TBC1D22A: variants seen among roughly 807,000 people sequenced by gnomAD.
TBC1D22A encodes TBC1 domain family member 22A.
Under a neutral mutation model 60.2 loss-of-function variants are expected in TBC1D22A, and 38 were observed. That is an observed-to-expected ratio of 0.63 (90% CI 0.49 to 0.83). The LOEUF (loss-of-function observed/expected upper bound fraction) is 0.83. Ranked by LOEUF, TBC1D22A falls within the 40% of genes least tolerant of loss-of-function variation. TBC1D22A has a pLI of 0.00. For synonymous variants in TBC1D22A, 302 were observed against 281.7 expected, an observed-to-expected ratio of 1.07 and a Z score of -0.72; for missense variants, 628 against 701.0, an observed-to-expected ratio of 0.90 and a Z score of 1.18.
At chr22:46,784,458 G>T (rs1250813468) in intron 1 of TBC1D22A, among the ~76,000 whole-genome samples, 1 of 152,150 alleles carries the variant, frequency 6.6e-6, no homozygotes, top group South Asian at 2.1e-4. Context: ...GTTGTAGTCT[G>T]CTTTTCTTTT....
intron 11 of TBC1D22A, among the ~76,000 whole-genome samples, chr22:47,104,694 C>CA (rs34812715): frequency 0.15 from 15,025 of 101,972 alleles, 1,216 homozygotes; most frequent in African/African-American, 0.3. Flanking sequence ...GACTCTGTCT[C>CA]AAAAAAAAAA....
At chr22:46,968,573 C>G (rs528504446) in intron 8 of TBC1D22A, among the ~76,000 whole-genome samples, 22 of 151,460 alleles carry the variant, frequency 1.5e-4, no homozygotes, top group African/African-American at 5.1e-4. Flanking sequence ...GTCCTCACTG[C>G]GTGGCCGGCG....
intron 9 of TBC1D22A, among the ~76,000 whole-genome samples, chr22:46,994,857 T>G (rs2075065394): frequency 6.6e-6 from 1 of 152,192 alleles, no homozygotes; most frequent in Non-Finnish European, 1.5e-5. Context: ...GGGGAGAAAT[T>G]AAGTCTTAAA....
At chr22:46,933,733 A>T (rs1394795617) in intron 8 of TBC1D22A, among the ~76,000 whole-genome samples, 1 of 152,222 alleles carries the variant, frequency 6.6e-6, no homozygotes, top group Non-Finnish European at 1.5e-5. Flanking sequence ...GACTGCAGCC[A>T]CGTGGCCCCT....
chr22:47,044,830 A>G (rs569956429), intron 11 of TBC1D22A, among the ~76,000 whole-genome samples: 161 of 152,348 alleles, frequency 1.1e-3, no homozygotes, highest in African/African-American at 3.8e-3. Context: ...CATGTCTGGA[A>G]AGTCCTTAGC....
intron 1 of TBC1D22A, 88 bp downstream of exon 1, chr22:46,762,936 G>A: frequency 5.5e-6 from 7 of 1,276,050 alleles, no homozygotes; most frequent in Non-Finnish European, 7.3e-6. Flanking sequence ...TGGAGTCGGG[G>A]GTCTGGAGAG....
chr22:47,111,706 A>T, intron 12 of TBC1D22A, 103 bp downstream of exon 12: 1 of 1,080,820 alleles, frequency 9.3e-7, no homozygotes, highest in Non-Finnish European at 1.3e-6. Context: ...AGTTTTGAGA[A>T]GCGCTGCCTG....
intron 11 of TBC1D22A, among the ~76,000 whole-genome samples, chr22:47,084,947 G>A (rs1453120467): frequency 3.3e-5 from 5 of 152,246 alleles, no homozygotes; most frequent in East Asian, 1.9e-4. Flanking sequence ...AACTCTAAGC[G>A]TTCTTGGACT....
intron 1 of TBC1D22A, chr22:46,789,292 A>G (rs1007115227): frequency 3.7e-5 from 14 of 380,870 alleles, no homozygotes; most frequent in Non-Finnish European, 6.5e-5. Context: ...AGCCCGGCTA[A>G]TTTTTTGTAT....
chr22:47,094,606 C>T (rs138762114), intron 11 of TBC1D22A, among the ~76,000 whole-genome samples: 7 of 152,354 alleles, frequency 4.6e-5, no homozygotes, highest in East Asian at 3.9e-4. Context: ...TATGTACATA[C>T]GTCCTGTCGG....
At chr22:46,917,622 G>A (rs1400757304) in intron 8 of TBC1D22A, among the ~76,000 whole-genome samples, 1 of 152,186 alleles carries the variant, frequency 6.6e-6, no homozygotes, top group African/African-American at 2.4e-5. Flanking sequence ...TGTCGGCAGT[G>A]ATTGAGTAGA....
At chr22:46,892,185 C>T (rs771226512) in intron 6 of TBC1D22A, among the ~76,000 whole-genome samples, 2 of 151,924 alleles carry the variant, frequency 1.3e-5, no homozygotes, top group East Asian at 1.9e-4. Flanking sequence ...TCCTGAGGCA[C>T]GGCAGGAATG....
chr22:47,092,486 A>G (rs1461171570), intron 11 of TBC1D22A, among the ~76,000 whole-genome samples: 4 of 152,056 alleles, frequency 2.6e-5, no homozygotes, highest in South Asian at 2.1e-4. Context: ...ACTGGAGTGG[A>G]GGGGCTTGGT....
intron 11 of TBC1D22A, among the ~76,000 whole-genome samples, chr22:47,105,103 A>G (rs1287753923): frequency 6.6e-6 from 1 of 152,164 alleles, no homozygotes; most frequent in Non-Finnish European, 1.5e-5. Context: ...TTGGCTCAGA[A>G]TAAATCTCTT....
chr22:47,011,079 C>T (rs1315681485), intron 10 of TBC1D22A, among the ~76,000 whole-genome samples: 1 of 152,166 alleles, frequency 6.6e-6, no homozygotes, highest in Non-Finnish European at 1.5e-5. Context: ...TGGGCCCCAT[C>T]CCCGTACTCA....
At chr22:47,038,754 G>A (rs773453042) in intron 11 of TBC1D22A, among the ~76,000 whole-genome samples, 6 of 152,110 alleles carry the variant, frequency 3.9e-5, no homozygotes, top group Admixed American at 2.0e-4. Flanking sequence ...ATCTCACTAC[G>A]GAAATTATCA....
At chr22:46,804,904 A>G (rs2085062350) in intron 4 of TBC1D22A, among the ~76,000 whole-genome samples, 1 of 152,054 alleles carries the variant, frequency 6.6e-6, no homozygotes, top group African/African-American at 2.4e-5. Context: ...TTTTTTTCTT[A>G]TAATTTCTTT....
intron 9 of TBC1D22A, among the ~76,000 whole-genome samples, chr22:46,976,408 C>T (rs944246252): frequency 6.6e-6 from 1 of 152,182 alleles, no homozygotes; most frequent in African/African-American, 2.4e-5. Context: ...GATGTCAGTT[C>T]CCACCATCCA....
intron 10 of TBC1D22A, among the ~76,000 whole-genome samples, chr22:47,022,994 C>G (rs1294001339): frequency 1.3e-5 from 2 of 152,120 alleles, no homozygotes; most frequent in African/African-American, 4.8e-5. Flanking sequence ...GCATTGTCAG[C>G]CATGCACAGA....
Sources: allele counts gnomAD v4.1 joint callset (sites outside exome capture counted in the v4.1 genomes callset), GRCh38; gene constraint gnomAD v4.1.1; transcripts MANE v1.5; gene names NCBI Gene and HGNC (gene_info 2026-07-23, HGNC 2026-07-21).